The following CPPED1 variants were observed in gnomAD, a reference collection of about 807,000 sequenced individuals.
CPPED1 encodes serine/threonine-protein phosphatase CPPED1.
CPPED1 carries 28 observed loss-of-function variants against 28.0 expected under a neutral mutation model. The observed-to-expected ratio is 1.00, with a 90% CI of 0.74 to 1.37. CPPED1 has a LOEUF of 1.37. Among genes scored for constraint, CPPED1 ranks in the 40% most tolerant of loss-of-function variants. The pLI, the probability that CPPED1 is intolerant of heterozygous loss-of-function variation, is 0.00. For synonymous variants in CPPED1, 198 were observed against 180.2 expected (o/e 1.10, Z -0.79); for missense variants, 504 against 416.5 (o/e 1.21, Z -1.83).
chr16:12,767,549 T>C (rs2080446518), intron 2 of CPPED1, among the ~76,000 whole-genome samples: 1 of 152,094 alleles, frequency 6.6e-6, no homozygotes, highest in African/African-American at 2.4e-5. Flanking sequence ...CCCCAGAGCA[T>C]CATCACGACC....
At chr16:12,792,068 C>T (rs1293463691) in intron 1 of CPPED1, among the ~76,000 whole-genome samples, 1 of 152,138 alleles carries the variant, frequency 6.6e-6, no homozygotes, top group Non-Finnish European at 1.5e-5. Flanking sequence ...TCTCCTGCCT[C>T]AGCCTCCTGA....
At chr16:12,674,537 C>T (rs1596440814) in intron 3 of CPPED1, among the ~76,000 whole-genome samples, 1 of 152,132 alleles carries the variant, frequency 6.6e-6, no homozygotes, top group African/African-American at 2.4e-5. Flanking sequence ...GGCAACCGCT[C>T]CAGGTGGAGT....
intron 2 of CPPED1, 126 bp from the exon 3 acceptor site, chr16:12,705,175 T>A: frequency 9.7e-7 from 1 of 1,032,148 alleles, no homozygotes; most frequent in Non-Finnish European, 1.4e-6. Context: ...ACCTAGCACA[T>A]GGAAACTGCA....
In CPPED1 at chr16:12,709,094, T is replaced by C. The variant is rs889808075; in HGVS notation, c.290-4045A>G. Among the ~76,000 whole-genome samples the C allele has an allele frequency of 1.3e-5, 2 of 151,982 alleles. No individual in the cohort carries two copies. Among genetic ancestry groups the C allele is most frequent in the African/African-American group, 2.4e-5 (1 of 41,396 alleles). The stretch of plus-strand genomic sequence containing the variant: ...AAACTCTGTCTCAAAAATGTCCCAT[T>C]ATATATGAGAACCCAAAGCCCAAAG... On this transcript the variant is annotated intron_variant, in intron 2 of 3. Transcript: ENST00000381774. This position sits in a 1 kb window ranked among gnomAD's most constrained non-coding sequence, Gnocchi z 4.4.
At chr16:12,677,662 C>T (rs917736346) in intron 3 of CPPED1, among the ~76,000 whole-genome samples, 7 of 152,176 alleles carry the variant, frequency 4.6e-5, no homozygotes, top group African/African-American at 1.7e-4. Context: ...AAAGGAAGTG[C>T]CACGGTCGTG....
Position 12,661,121 on chromosome 16 carries a change from G to A in CPPED1, c.*3765C>T, listed in dbSNP as rs201191602. The A allele has an allele frequency of 6.6e-6, 1 of 152,116 alleles. No homozygotes were observed. Among genetic ancestry groups the A allele is most frequent in the Non-Finnish European group, 1.5e-5 (1 of 68,026 alleles). The allele number at this position is 152,116 out of a possible 1,614,324, so 9.4% of individuals were successfully genotyped here. On this transcript the variant is annotated 3_prime_UTR_variant, in exon 4 of 4. Coordinates refer to ENST00000381774, the MANE Select transcript of CPPED1 (RefSeq NM_018340.3). ...TAGAGCAAGATTCTGTCTAAAAAAG[G>A]GTTCAAGTAAATGCAAATGATGTTT...
intron 2 of CPPED1, among the ~76,000 whole-genome samples, chr16:12,710,234 G>A (rs1464623774): frequency 1.3e-5 from 2 of 152,034 alleles, no homozygotes; most frequent in Admixed American, 6.6e-5. Context: ...AAAATTAGAG[G>A]TTTAACAAGA....
chr16:12,797,434 G>C (rs770983929), intron 1 of CPPED1, among the ~76,000 whole-genome samples: 1 of 152,088 alleles, frequency 6.6e-6, no homozygotes, highest in African/African-American at 2.4e-5. Flanking sequence ...TCTGTTCCTA[G>C]CTACTCAGGA....
intron 3 of CPPED1, among the ~76,000 whole-genome samples, chr16:12,666,910 A>G (rs1713478): frequency 0.79 from 120,032 of 151,942 alleles, 48,545 homozygotes; most frequent in Non-Finnish European, 0.89. Flanking sequence ...AGGAGCTGTC[A>G]CCAGTACACC....
chr16:12,802,814 C>T (rs921771439), intron 1 of CPPED1, among the ~76,000 whole-genome samples: 1 of 152,166 alleles, frequency 6.6e-6, no homozygotes, highest in Non-Finnish European at 1.5e-5. Context: ...GCAGTTCAAA[C>T]AAGGGCAACA....
At chr16:12,724,419 T>C (rs2080158354) in intron 2 of CPPED1, among the ~76,000 whole-genome samples, 1 of 152,226 alleles carries the variant, frequency 6.6e-6, no homozygotes, top group Non-Finnish European at 1.5e-5. Flanking sequence ...CTGACCAGCC[T>C]GTCACTTCCA....
intron 3 of CPPED1, among the ~76,000 whole-genome samples, chr16:12,667,756 AGG>A (rs1485350457): frequency 6.6e-5 from 10 of 152,208 alleles, no homozygotes; most frequent in Non-Finnish European, 2.9e-5. Flanking sequence ...AAAAATTCAA[AGG>A]ATAGATTAAG....
intron 3 of CPPED1, among the ~76,000 whole-genome samples, chr16:12,688,884 C>T (rs1030429113): frequency 1.3e-5 from 2 of 152,236 alleles, no homozygotes; most frequent in African/African-American, 2.4e-5. Flanking sequence ...TGCTACATGT[C>T]TTCAGCAAAA....
In CPPED1 at chr16:12,704,991, G is replaced by A. The variant is rs760889805; in HGVS notation, c.348C>T (p.Asp116=). Residue 116 remains aspartate, a synonymous_variant, in exon 3 of 4, where the codon GAC becomes GAT. Transcript: ENST00000381774. ...EDLKRVLRAV[D]RAIPLVLVSG... is the part of the protein sequence containing the mutation. ...TGACAAGGACCAGTGGGATGGCCCT[G>A]TCCACTGCCCTAAGCACTCGCTTCA... is the stretch of plus-strand genomic sequence containing the variant. The A allele has an allele frequency of 2.5e-6, 4 of 1,614,198 alleles. No individual in the cohort carries two copies. The highest frequency in any genetic ancestry group is 2.2e-5 in the South Asian group (2 of 91,084).
chr16:12,687,166 C>T (rs1438254054), intron 3 of CPPED1, among the ~76,000 whole-genome samples: 1 of 152,144 alleles, frequency 6.6e-6, no homozygotes, highest in African/African-American at 2.4e-5. Context: ...CCTATACTCA[C>T]TCCACTACAG....
Position 12,727,198 on chromosome 16 carries a change from T to A in CPPED1, c.290-22149A>T, listed in dbSNP as rs578155778. 2.0e-5 allele frequency among the ~76,000 whole-genome samples: 3 copies of A among 152,258 alleles called. No homozygotes were observed. In the South Asian group the frequency reaches 6.2e-4, roughly 32 times the overall value. ...AGGGGTTTTAGACACTGTTGGAATG[T>A]CTCCAGTTTAATTATCCAGATAGGC... On this transcript the variant is annotated intron_variant, in intron 2 of 3. Transcript: ENST00000381774.
intron 2 of CPPED1, among the ~76,000 whole-genome samples, chr16:12,721,620 G>T (rs2080140568): frequency 1.3e-5 from 2 of 152,006 alleles, no homozygotes. Context: ...GGGCATGGTA[G>T]CGGGCACCTG....
intron 1 of CPPED1, among the ~76,000 whole-genome samples, chr16:12,797,361 A>C (rs2080633663): frequency 6.6e-6 from 1 of 152,176 alleles, no homozygotes; most frequent in African/African-American, 2.4e-5. Flanking sequence ...GACTAACCTG[A>C]GTGACACAGC....
intron 3 of CPPED1, among the ~76,000 whole-genome samples, chr16:12,699,947 G>A (rs567248679): frequency 1.3e-5 from 2 of 152,242 alleles, no homozygotes; most frequent in South Asian, 2.1e-4. Context: ...GACCTGAGCC[G>A]CTTTCTGCAT....
Sources: allele counts gnomAD v4.1 joint callset (sites outside exome capture counted in the v4.1 genomes callset), GRCh38; gene constraint gnomAD v4.1.1; non-coding constraint Gnocchi (gnomAD v3.1); transcripts MANE v1.5; gene names NCBI Gene and HGNC (gene_info 2026-07-23, HGNC 2026-07-21).